The following SNIP1 variants were observed in gnomAD, a reference collection of about 807,000 sequenced individuals.
SNIP1 encodes smad nuclear-interacting protein 1.
Under a neutral mutation model 37.4 loss-of-function variants are expected in SNIP1, and 23 were observed. That is an observed-to-expected ratio of 0.61 (90% confidence interval 0.44 to 0.87). The LOEUF is 0.87. Ranked by LOEUF, SNIP1 falls within the 40% of genes least tolerant of loss-of-function variation. SNIP1 has a pLI of 0.00. For synonymous variants in SNIP1, 174 were observed against 200.0 expected, an observed-to-expected ratio of 0.87 and a Z score of 1.10; for missense variants, 459 against 540.4, an observed-to-expected ratio of 0.85 and a Z score of 1.49.
rs387906986 is a variant in SNIP1, at chr1:37,537,842, T to C, written c.1097A>G (p.Glu366Gly). The change falls in exon 4 of 4, where the codon GAA (glutamate) becomes GGA (glycine). Residue 366 changes from glutamate (E) to glycine (G), a missense_variant. Physicochemically the swap from Glu to Gly is moderately conservative, Grantham distance 98. Coordinates refer to ENST00000296215, the MANE Select transcript of SNIP1 (RefSeq NM_024700.4). ...DVLKFGFSSR[E>G]YVLLHESSDT... is the part of the protein sequence containing the mutation. ...CGACGACTCATGGAGCAAGACGTATTCTCTGCTACTGAATCCAAATTTGAG... is the reference window on the plus strand; with the variant it reads ...CGACGACTCATGGAGCAAGACGTATCCTCTGCTACTGAATCCAAATTTGAG... The C allele has an allele frequency of 9.3e-6, 15 of 1,614,100 alleles. No homozygotes were observed. Among genetic ancestry groups the C allele is most frequent in the Non-Finnish European group, 3.4e-6 (4 of 1,180,028 alleles).
At chr1:37,546,726 C>T (rs1643244061) in intron 2 of SNIP1, among the ~76,000 whole-genome samples, 2 of 152,060 alleles carry the variant, frequency 1.3e-5, no homozygotes, top group Non-Finnish European at 2.9e-5. Flanking sequence ...AAATTCAGTT[C>T]CCAATTCCTC....
In SNIP1 at chr1:37,537,680, T is replaced by C. The variant is rs1643115058; in HGVS notation, c.*68A>G. On this transcript the variant is annotated 3_prime_UTR_variant, in exon 4 of 4. Transcript: ENST00000296215. ...CATAGTGCTGGACCCACCACCATAG[T>C]GCTCTCTGAGTCAATCAAAGACTTC... is the stretch of plus-strand genomic sequence containing the variant. 2 of 1,538,686 alleles carry C rather than the reference T, an allele frequency of 1.3e-6. No individual in the cohort carries two copies. The highest frequency in any genetic ancestry group is 2.2e-5 in the East Asian group (1 of 44,536).
At chr1:37,538,125 C>G (rs1281782550) in intron 3 of SNIP1, 113 bp from the exon 4 acceptor site, 3 of 1,232,002 alleles carry the variant, frequency 2.4e-6, no homozygotes, top group African/African-American at 1.5e-5. Context: ...GGCTTGAGCA[C>G]AATTCAAGTT....
intron 1 of SNIP1, 137 bp downstream of exon 1, chr1:37,553,869 G>C: frequency 1.2e-6 from 1 of 847,848 alleles, no homozygotes. Context: ...AGCACGACTG[G>C]ATCACTCTCA....
At chr1:37,545,310 C>G in intron 2 of SNIP1, 1 of 596,594 alleles carries the variant, frequency 1.7e-6, no homozygotes, top group South Asian at 1.4e-5. Context: ...AAGCCTTAGG[C>G]TAATTTCCCC....
chr1:37,547,245 T>A (rs1335148394), intron 2 of SNIP1, among the ~76,000 whole-genome samples: 1 of 152,172 alleles, frequency 6.6e-6, no homozygotes, highest in East Asian at 1.9e-4. Context: ...ATAGAGAGAT[T>A]CATGGGAGAA....
chr1:37,543,321 C>G (rs1259375548), intron 2 of SNIP1, among the ~76,000 whole-genome samples: 1 of 152,008 alleles, frequency 6.6e-6, no homozygotes, highest in African/African-American at 2.4e-5. Flanking sequence ...ACTAATGCCA[C>G]TTATAGAAAT....
At chr1:37,544,650 G>C (rs563957837) in intron 2 of SNIP1, 5 of 493,288 alleles carry the variant, frequency 1.0e-5, no homozygotes, top group Middle Eastern at 5.7e-4. Context: ...CCGGCTGGCC[G>C]CCCATAGCTA....
chr1:37,551,648 C>T (rs1643303504), intron 2 of SNIP1, among the ~76,000 whole-genome samples: 1 of 152,124 alleles, frequency 6.6e-6, no homozygotes, highest in African/African-American at 2.4e-5. Context: ...CATCTGCAAT[C>T]CAAGGACAGA....
At position 37,554,199 on chromosome 1, in the gene SNIP1, C is replaced by T. The variant is rs148377247; in HGVS notation, c.31G>A (p.Gly11Arg). ...CCGTCCCGGTGTCTTCGCCGGCTCC[C>T]TCGCTCCCGTTCGCTCTTCACCGCC... MKAVKSERER[G>R]SRRRHRDGDV... The change falls in exon 1 of 4, where the codon GGG (glycine) becomes AGG (arginine). Residue 11 changes from glycine to arginine, a missense_variant. Transcript: ENST00000296215. The T allele has an allele frequency of 6.2e-7, 1 of 1,609,160 alleles. No homozygotes were observed. Among genetic ancestry groups the T allele is most frequent in the Non-Finnish European group, 8.5e-7 (1 of 1,177,304 alleles).
At position 37,552,752 on chromosome 1, in the gene SNIP1, T is replaced by TC. The variant is rs772333235; in HGVS notation, c.225-6dup. 4 of 1,611,658 alleles carry TC rather than the reference T, an allele frequency of 2.5e-6. No homozygotes were observed. In the South Asian group the frequency reaches 4.4e-5, roughly 18 times the overall value. On this transcript the variant is annotated splice_region_variant and splice_polypyrimidine_tract_variant and intron_variant, in intron 1 of 3. Coordinates refer to ENST00000296215, the MANE Select transcript of SNIP1 (RefSeq NM_024700.4). ...TTTTTCTTTTTGGGTGGGGACCTAT[T>TC]CAGAGCATGGTACACAGGATTTTAT... is the stretch of plus-strand genomic sequence containing the variant.
intron 2 of SNIP1, chr1:37,545,134 CA>C: frequency 1.4e-6 from 1 of 736,884 alleles, no homozygotes; most frequent in South Asian, 1.3e-5. Flanking sequence ...AAATTACCCC[CA>C]TTTGTGTGAC....
At chr1:37,542,659 G>C (rs1005756572) in intron 2 of SNIP1, among the ~76,000 whole-genome samples, 14 of 152,156 alleles carry the variant, frequency 9.2e-5, no homozygotes, top group African/African-American at 3.4e-4. Context: ...AGGATCGCTT[G>C]AGCCTGGGAG....
intron 2 of SNIP1, among the ~76,000 whole-genome samples, chr1:37,551,000 C>G (rs530926231): frequency 1.3e-4 from 19 of 150,682 alleles, no homozygotes; most frequent in African/African-American, 4.2e-4. Flanking sequence ...GAGGCTGAGG[C>G]AGGAGAATCA....
In SNIP1 at chr1:37,544,879, CA is replaced by C. The variant is rs543428717; in HGVS notation, c.328-4125del. On this transcript the variant is annotated intron_variant, in intron 2 of 3. Coordinates refer to ENST00000296215, the MANE Select transcript of SNIP1 (RefSeq NM_024700.4). ...TGTCCATGTCTTACTACTTTGACCA[CA>C]ATGATGTGGCTTTGAAGAACTTTGC... is the stretch of plus-strand genomic sequence containing the variant. 3,243 of 993,790 alleles carry C rather than the reference CA, an allele frequency of 3.3e-3. 86 individuals carry two copies. In the South Asian group the frequency reaches 0.039, roughly 12 times the overall value. 61.6% of individuals were successfully genotyped at this position (993,790 alleles called of 1,614,324 possible).
chr1:37,540,840 T>C lies in SNIP1; in HGVS notation c.328-85A>G. The C allele has an allele frequency of 3.0e-6, 4 of 1,327,640 alleles. No individual in the cohort carries two copies. The highest frequency in any genetic ancestry group is 3.0e-5 in the South Asian group (2 of 67,720). 82.2% of individuals were successfully genotyped at this position (1,327,640 alleles called of 1,614,324 possible). A position where few individuals can be genotyped will look rare whatever the true frequency, so the allele number is the denominator to read the frequency against. ...TCTTGTTCTTTTTGAACGAAGTGCATGCAAAAAGTCTTGTAATTTGGACTT... is the reference window on the plus strand; with the variant it reads ...TCTTGTTCTTTTTGAACGAAGTGCACGCAAAAAGTCTTGTAATTTGGACTT... On this transcript the variant is annotated intron_variant, in intron 2 of 3. Transcript: ENST00000296215. This position sits in a 1 kb window ranked among gnomAD's most constrained non-coding sequence, Gnocchi z 5.6.
intron 2 of SNIP1, among the ~76,000 whole-genome samples, chr1:37,544,566 C>A (rs117061219): frequency 6.6e-6 from 1 of 151,984 alleles, no homozygotes; most frequent in Non-Finnish European, 1.5e-5. Flanking sequence ...AAAAATGAGA[C>A]GTTCTTTGCG....
At chr1:37,539,617 G>A (rs948613869) in intron 3 of SNIP1, among the ~76,000 whole-genome samples, 2 of 152,240 alleles carry the variant, frequency 1.3e-5, no homozygotes, top group African/African-American at 4.8e-5. Context: ...GGCTGAGGCA[G>A]GGGAATCACT....
chr1:37,547,920 G>C (rs2148116130), intron 2 of SNIP1, among the ~76,000 whole-genome samples: 1 of 152,052 alleles, frequency 6.6e-6, no homozygotes, highest in Non-Finnish European at 1.5e-5. Flanking sequence ...GCCAAGGCAG[G>C]TGGATTACGA....
Sources: gnomAD v4.1 joint callset for allele counts (sites outside exome capture counted in the v4.1 genomes callset) on GRCh38, gnomAD v4.1.1 for gene constraint, Gnocchi (gnomAD v3.1) non-coding constraint, MANE v1.5 for transcripts, NCBI Gene and HGNC (gene_info 2026-07-23, HGNC 2026-07-21) for gene names.